NINL: variants seen among roughly 807,000 people sequenced by gnomAD.
The protein encoded by NINL is ninein like.
Under a neutral mutation model 160.3 loss-of-function variants are expected in NINL, and 153 were observed. The ratio of observed to expected loss-of-function variants is 0.95; its 90% CI spans 0.84 to 1.09. NINL has a LOEUF of 1.09. Ranked by LOEUF, NINL falls within the 50% of genes least tolerant of loss-of-function variation. The probability of loss-of-function intolerance (pLI) is 0.00; values close to 1 mark genes in which losing one functional copy is unlikely to be tolerated. For missense variants in NINL, 1,829 were observed against 1,764.0 expected (o/e 1.04, Z -0.66); for synonymous variants, 800 against 734.8 (o/e 1.09, Z -1.43).
At chr20:25,462,235 C>T (rs1384810351) in intron 20 of NINL, 148 bp downstream of exon 20, 3 of 678,230 alleles carry the variant, frequency 4.4e-6, no homozygotes, top group African/African-American at 3.7e-5. Flanking sequence ...GCCAACACAG[C>T]ACAGTCCACC....
At chr20:25,513,285 T>C (rs1292264239) in intron 3 of NINL, among the ~76,000 whole-genome samples, 1 of 152,242 alleles carries the variant, frequency 6.6e-6, no homozygotes, top group Non-Finnish European at 1.5e-5. Flanking sequence ...TATTTTGCTT[T>C]TATGTAATGA....
rs745492583 is a variant in NINL at position 25,489,994 on chromosome 20, C to T, written c.1486-9G>A. The T allele has an allele frequency of 6.2e-7, 1 of 1,612,456 alleles. No individual in the cohort carries two copies. Among genetic ancestry groups the T allele is most frequent in the Non-Finnish European group, 8.5e-7 (1 of 1,178,610 alleles). On this transcript the variant is annotated splice_polypyrimidine_tract_variant and intron_variant, in intron 11 of 23. Transcript: ENST00000278886. ...TGTAGGCGACTGTTTTCCTAGGAGA[C>T]ACAGGCCAGTGGCTCATCAGGCTCC...
chr20:25,460,574 T>C (rs1269901507), intron 21 of NINL, among the ~76,000 whole-genome samples: 2 of 152,162 alleles, frequency 1.3e-5, no homozygotes, highest in Non-Finnish European at 2.9e-5. Flanking sequence ...GGGTTCCTTT[T>C]AGACTCAAAA....
chr20:25,528,515 A>G (rs1212155585), intron 1 of NINL, among the ~76,000 whole-genome samples: 1 of 152,210 alleles, frequency 6.6e-6, no homozygotes, highest in South Asian at 2.1e-4. Flanking sequence ...ATTTAAAAAA[A>G]GGGAAAAAAG....
chr20:25,517,888 C>CCTCAAAGTT, intron 2 of NINL, 39 bp from the exon 3 acceptor site: 1 of 1,309,306 alleles, frequency 7.6e-7, no homozygotes, highest in Non-Finnish European at 1.1e-6. Flanking sequence ...ATGTCACTTT[C>CCTCAAAGTT]AACAGATCAC....
At chr20:25,536,249 C>T (rs1460366801) in intron 1 of NINL, among the ~76,000 whole-genome samples, 1 of 152,226 alleles carries the variant, frequency 6.6e-6, no homozygotes, top group Non-Finnish European at 1.5e-5. Flanking sequence ...ATCTGGGCTC[C>T]ATCCAAGACG....
At chr20:25,526,738 T>C in intron 1 of NINL, 140 bp from the exon 2 acceptor site, 1 of 808,028 alleles carries the variant, frequency 1.2e-6, no homozygotes, top group Non-Finnish European at 1.9e-6. Flanking sequence ...CAGGGACCCT[T>C]GCAGGGCCAA....
chr20:25,578,807 A>G (rs1235694691), intron 1 of NINL, among the ~76,000 whole-genome samples: 8 of 151,610 alleles, frequency 5.3e-5, no homozygotes, highest in South Asian at 2.1e-4. Flanking sequence ...AAAAAAAAAA[A>G]AAAAAGGAAT....
chr20:25,577,011 C>G (rs1316549219), intron 1 of NINL, among the ~76,000 whole-genome samples: 2 of 152,216 alleles, frequency 1.3e-5, no homozygotes, highest in African/African-American at 4.8e-5. Context: ...CTGCTTGACA[C>G]AGTTTCCTGA....
chr20:25,526,324 A>C, intron 2 of NINL, 84 bp downstream of exon 2: 6 of 1,200,470 alleles, frequency 5.0e-6, no homozygotes, highest in African/African-American at 1.5e-5. Context: ...TTGAATCCTT[A>C]TTCAGCTGAT....
At chr20:25,581,395 T>C (rs376367464) in intron 1 of NINL, among the ~76,000 whole-genome samples, 2 of 151,714 alleles carry the variant, frequency 1.3e-5, no homozygotes, top group Non-Finnish European at 2.9e-5. Flanking sequence ...TGAGCCAAGA[T>C]TGTGCCACTG....
At chr20:25,473,420 A>T (rs1183211128) in intron 17 of NINL, among the ~76,000 whole-genome samples, 1 of 151,746 alleles carries the variant, frequency 6.6e-6, no homozygotes, top group Non-Finnish European at 1.5e-5. Flanking sequence ...GTTTGAGACC[A>T]GCCTGGGCAA....
chr20:25,486,568 C>T (rs2063507957), intron 13 of NINL, among the ~76,000 whole-genome samples: 1 of 152,158 alleles, frequency 6.6e-6, no homozygotes, highest in Non-Finnish European at 1.5e-5. Context: ...CAGGCCCCAC[C>T]CACCCCACAC....
intron 1 of NINL, among the ~76,000 whole-genome samples, chr20:25,565,164 G>GA (rs1192590566): frequency 1.3e-5 from 2 of 152,002 alleles, no homozygotes; most frequent in East Asian, 3.8e-4. Context: ...TGGAGAGAGA[G>GA]AAAAAAATAA....
At chr20:25,512,048 C>T (rs1040986778) in intron 4 of NINL, among the ~76,000 whole-genome samples, 1 of 152,204 alleles carries the variant, frequency 6.6e-6, no homozygotes, top group Non-Finnish European at 1.5e-5. Context: ...TATTTCTTAA[C>T]GTGAAGCCCC....
intron 23 of NINL, among the ~76,000 whole-genome samples, chr20:25,455,291 G>A (rs534757836): frequency 2.2e-4 from 33 of 152,120 alleles, no homozygotes; most frequent in Non-Finnish European, 2.9e-4. Context: ...CACTCATCAT[G>A]GCCCGAGGTC....
At chr20:25,483,957 C>G (rs1324167915) in intron 13 of NINL, among the ~76,000 whole-genome samples, 1 of 152,182 alleles carries the variant, frequency 6.6e-6, no homozygotes, top group Admixed American at 6.5e-5. Flanking sequence ...AGTGATGCCA[C>G]GGGACTTCCA....
At chr20:25,573,372 AC>A (rs1041196924) in intron 1 of NINL, among the ~76,000 whole-genome samples, 12 of 152,178 alleles carry the variant, frequency 7.9e-5, no homozygotes, top group African/African-American at 2.6e-4. Flanking sequence ...AGAACAGTCT[AC>A]CCCTTTTCTC....
At chr20:25,540,253 C>T (rs1289383383) in intron 1 of NINL, among the ~76,000 whole-genome samples, 1 of 152,146 alleles carries the variant, frequency 6.6e-6, no homozygotes, top group Non-Finnish European at 1.5e-5. Context: ...AATCCTAATG[C>T]TATAAAGCTT....
Sources: gnomAD v4.1 joint callset for allele counts (sites outside exome capture counted in the v4.1 genomes callset) on GRCh38, gnomAD v4.1.1 for gene constraint, MANE v1.5 for transcripts, NCBI Gene and HGNC (gene_info 2026-07-23, HGNC 2026-07-21) for gene names.